Variants in EXOSC10 observed in about 807,000 individuals in gnomAD.
EXOSC10 encodes exosome component 10.
A neutral mutation model predicts 126.6 loss-of-function variants in EXOSC10; 94 were observed. The ratio of observed to expected loss-of-function variants is 0.74; its 90% confidence interval spans 0.63 to 0.88. The LOEUF is 0.88. Ranked by LOEUF, EXOSC10 falls within the 40% of genes least tolerant of loss-of-function variation. The probability of loss-of-function intolerance (pLI) is 0.00; values close to 1 mark genes in which losing one functional copy is unlikely to be tolerated. For missense variants in EXOSC10, 1,041 were observed against 1,100.5 expected (o/e 0.95, Z 0.77); for synonymous variants, 395 against 400.8 (o/e 0.99, Z 0.17).
chr1:11,098,304 G>T, intron 1 of EXOSC10, 148 bp from the exon 2 acceptor site: 1 of 989,694 alleles, frequency 1.0e-6, no homozygotes, highest in African/African-American at 1.7e-5. Flanking sequence ...TCTAATCTAG[G>T]CCCTGAGAAT....
At chr1:11,090,957 T>C in intron 5 of EXOSC10, 57 bp downstream of exon 5, 8 of 1,571,020 alleles carry the variant, frequency 5.1e-6, no homozygotes, top group Non-Finnish European at 6.1e-6. Flanking sequence ...ACACCCTTCC[T>C]GGTTTTTGCA....
rs371433199 is a variant in EXOSC10, at chr1:11,080,543, T to C, written c.1593A>G (p.Val531=). 16 of 1,592,890 alleles carry C rather than the reference T, an allele frequency of 1.0e-5. No homozygotes were observed. Among genetic ancestry groups the C allele is most frequent in the East Asian group, 2.2e-5 (1 of 44,452 alleles). ...ARREDESYGY[V]LPNHMMLKIA... is the part of the protein sequence containing the mutation. ...TTTTCAGCATCATGTGGTTTGGCAGTACATATCTGGAAAAAAAAAAACACA... is the reference window on the plus strand; with the variant it reads ...TTTTCAGCATCATGTGGTTTGGCAGCACATATCTGGAAAAAAAAAAACACA... The change falls in exon 13 of 25, where the codon GTA becomes GTG. Residue 531 remains valine (V), a synonymous_variant. Coordinates refer to ENST00000376936, the MANE Select transcript of EXOSC10 (RefSeq NM_001001998.3).
At position 11,067,978 on chromosome 1, in the gene EXOSC10, C is replaced by A. The variant is rs375069880; in HGVS notation, c.2627+30G>T. The A allele has an allele frequency of 1.3e-4, 207 of 1,608,078 alleles. No individual in the cohort carries two copies. The highest frequency in any genetic ancestry group is 1.7e-4 in the Non-Finnish European group (202 of 1,175,162). On this transcript the variant is annotated intron_variant, in intron 24 of 24. Transcript: ENST00000376936. Reference sequence around the variant, plus strand: ...AGGGCAGGTGCTTTCTCACTGGGCTCCCTGGGCCACACCGCCGTCCACCAC... The same window carrying A: ...AGGGCAGGTGCTTTCTCACTGGGCTACCTGGGCCACACCGCCGTCCACCAC...
intron 14 of EXOSC10, among the ~76,000 whole-genome samples, 186 bp downstream of exon 14, chr1:11,079,525 C>A (rs1262651834): frequency 6.7e-6 from 1 of 150,312 alleles, no homozygotes; most frequent in Non-Finnish European, 1.5e-5. Flanking sequence ...TCCGGAGTAG[C>A]TGGGATTACA....
intron 6 of EXOSC10, among the ~76,000 whole-genome samples, chr1:11,088,480 T>C (rs1000598019): frequency 2.0e-5 from 3 of 152,240 alleles, no homozygotes; most frequent in South Asian, 2.1e-4. Flanking sequence ...AAGTACTGTA[T>C]AGTTGATGTT....
At chr1:11,094,435 C>T (rs552820022) in intron 3 of EXOSC10, among the ~76,000 whole-genome samples, 2 of 151,200 alleles carry the variant, frequency 1.3e-5, no homozygotes. Flanking sequence ...GCTGGGATTA[C>T]AAGTGCCCAC....
intron 6 of EXOSC10, among the ~76,000 whole-genome samples, chr1:11,090,055 T>C (rs1148483): frequency 0.033 from 5,005 of 149,786 alleles, 259 homozygotes; most frequent in African/African-American, 0.11. Context: ...TGGAGTGCAG[T>C]GACGCCATCT....
Position 11,069,636 on chromosome 1 carries a change from T to G in EXOSC10, c.2411A>C (p.Lys804Thr). 1 of 1,614,194 alleles carries G rather than the reference T, an allele frequency of 6.2e-7. No homozygotes were observed. The highest frequency in any genetic ancestry group is 1.1e-5 in the South Asian group (1 of 91,086). Reference sequence around the variant, plus strand: ...TTCTGGTGGCTCTGGGTCCTTTGGCTTCTTGGAAATTTTGAGTCGTTTCTT... The same window carrying G: ...TTCTGGTGGCTCTGGGTCCTTTGGCGTCTTGGAAATTTTGAGTCGTTTCTT... Reference protein sequence around the residue: ...QEKKRLKISKKPKDPEPPEKE... With the variant: ...QEKKRLKISKTPKDPEPPEKE... Residue 804 changes from lysine (K) to threonine (T), a missense_variant, in exon 22 of 25, where the codon AAG becomes ACG. By Grantham distance (78) the Lys-to-Thr change is moderately conservative (BLOSUM62 -1). Transcript: ENST00000376936.
chr1:11,098,469 C>T lies in EXOSC10; in HGVS notation c.112-313G>A, dbSNP rs145287922. Among the ~76,000 whole-genome samples the T allele has an allele frequency of 4.3e-3, 651 of 152,274 alleles. 6 individuals are homozygous for T. The highest frequency in any genetic ancestry group is 0.015 in the African/African-American group (613 of 41,530). On this transcript the variant is annotated intron_variant, in intron 1 of 24. Transcript: ENST00000376936. ...AACTGAGATCTTGGACAAGTGATTG[C>T]TTTATTTGGACTTTAGTGTTCTCCT...
chr1:11,097,540 C>T (rs1453744930), intron 2 of EXOSC10, among the ~76,000 whole-genome samples: 1 of 151,998 alleles, frequency 6.6e-6, no homozygotes, highest in African/African-American at 2.4e-5. Context: ...TCCTGGCTAA[C>T]ATGTTGAAAC....
In EXOSC10 at chr1:11,077,570, C is replaced by G. The variant is rs768579063; in HGVS notation, c.1800+31G>C. 10 of 1,613,898 alleles carry G rather than the reference C, an allele frequency of 6.2e-6. No homozygotes were observed. The African/African-American group carries it at 6.7e-5, about 11-fold the overall frequency. ...CTGGCTGTGACTTGACGTTTTCCCT[C>G]CTGGGGGAGAAAACAGATCCGACAC... On this transcript the variant is annotated intron_variant, in intron 15 of 24. Transcript: ENST00000376936.
intron 20 of EXOSC10, chr1:11,071,452 C>A: frequency 5.9e-6 from 1 of 170,400 alleles, no homozygotes; most frequent in Non-Finnish European, 1.3e-5. Context: ...CTGACAGCTT[C>A]TCACCACCTC....
At position 11,095,757 on chromosome 1, in the gene EXOSC10, C is replaced by T. The variant is rs750976603; in HGVS notation, c.372+1G>A. On this transcript the variant is annotated splice_donor_variant, in intron 3 of 24. Coordinates refer to ENST00000376936, the MANE Select transcript of EXOSC10 (RefSeq NM_001001998.3). LOFTEE classifies it high-confidence loss of function. ...AAAAAAGAGTAAGGGAAAATACTCACCACTCTCTCCAGAATTACATCATTG... is the reference window on the plus strand; with the variant it reads ...AAAAAAGAGTAAGGGAAAATACTCATCACTCTCTCCAGAATTACATCATTG... 5 of 1,613,672 alleles carry T rather than the reference C, an allele frequency of 3.1e-6. No homozygotes were observed. Among genetic ancestry groups the T allele is most frequent in the African/African-American group, 1.3e-5 (1 of 75,036 alleles).
At chr1:11,067,438 GA>G (rs34154272) in intron 24 of EXOSC10, among the ~76,000 whole-genome samples, 8,171 of 129,578 alleles carry the variant, frequency 0.063, 355 homozygotes, top group East Asian at 0.16. Flanking sequence ...TCTCAAAGAA[GA>G]AAAAAAAAAA....
chr1:11,068,495 G>T, intron 23 of EXOSC10, 150 bp downstream of exon 23: 1 of 666,888 alleles, frequency 1.5e-6, no homozygotes. Context: ...TGGGGTAGCT[G>T]ATCAGTACTG....
chr1:11,090,619 CA>C lies in EXOSC10; in HGVS notation c.692del (p.Leu231TrpfsTer32). ...RERPQDRPED[L>X]DVPPALADFI... ...AATCAGCCAGTGCAGGGGGGACGTCCAAGTCCTCAGGACGATCCTGTGGGCG... is the reference window on the plus strand; with the variant it reads ...AATCAGCCAGTGCAGGGGGGACGTCCAGTCCTCAGGACGATCCTGTGGGCG... On this transcript the variant is annotated frameshift_variant, in exon 6 of 25. Coordinates refer to ENST00000376936, the MANE Select transcript of EXOSC10 (RefSeq NM_001001998.3). LOFTEE classifies it high-confidence loss of function. 6.2e-7 allele frequency: 1 copy of C among 1,614,042 alleles called. No homozygotes were observed. The highest frequency in any genetic ancestry group is 1.7e-5 in the Admixed American group (1 of 59,998).
rs909452193 is a variant in EXOSC10 at position 11,066,694 on chromosome 1, A to G, written c.*24T>C. ...CACCAGCATTTGGTGCTTCCGGTCC[A>G]CAGGCGCCACGTGTCTTCCAGGACT... is the stretch of plus-strand genomic sequence containing the variant. On this transcript the variant is annotated 3_prime_UTR_variant, in exon 25 of 25. Coordinates refer to ENST00000376936, the MANE Select transcript of EXOSC10 (RefSeq NM_001001998.3). 1 of 1,614,014 alleles carries G rather than the reference A, an allele frequency of 6.2e-7. No individual in the cohort carries two copies. The highest frequency in any genetic ancestry group is 8.5e-7 in the Non-Finnish European group (1 of 1,179,834).
At chr1:11,082,400 C>A in intron 10 of EXOSC10, 1 of 498,180 alleles carries the variant, frequency 2.0e-6, no homozygotes. Context: ...GTAGAAAGAT[C>A]CCAGTTTCAA....
intron 14 of EXOSC10, among the ~76,000 whole-genome samples, chr1:11,078,468 G>C (rs1247453823): frequency 1.3e-5 from 2 of 151,724 alleles, no homozygotes; most frequent in Non-Finnish European, 2.9e-5. Context: ...CGTTTTAGCC[G>C]GGATGGTCTC....
Sources: gnomAD v4.1 joint callset for allele counts (sites outside exome capture counted in the v4.1 genomes callset) on GRCh38, gnomAD v4.1.1 for gene constraint, MANE v1.5 for transcripts, NCBI Gene and HGNC (gene_info 2026-07-23, HGNC 2026-07-21) for gene names.